PIKFYVE: variants seen among roughly 807,000 people sequenced by gnomAD.
PIKFYVE encodes 1-phosphatidylinositol 3-phosphate 5-kinase.
Under a neutral mutation model 257.9 loss-of-function variants are expected in PIKFYVE, and 122 were observed. That is an observed-to-expected ratio of 0.47 (90% confidence interval 0.41 to 0.55). PIKFYVE has a LOEUF of 0.55. Ranked by LOEUF, PIKFYVE falls within the 20% of genes least tolerant of loss-of-function variation. The probability of loss-of-function intolerance (pLI) is 0.00; values close to 1 mark genes in which losing one functional copy is unlikely to be tolerated. For synonymous variants in PIKFYVE, 892 were observed against 868.9 expected (o/e 1.03, Z -0.47); for missense variants, 2,160 against 2,536.6 (o/e 0.85, Z 3.19).
In PIKFYVE at chr2:208,276,616, C is replaced by G. The variant is rs1438910975; in HGVS notation, c.323-96C>G. The G allele has an allele frequency of 4.5e-6, 4 of 882,354 alleles. No individual in the cohort carries two copies. The African/African-American group carries it at 4.9e-5, about 11-fold the overall frequency. 54.7% of individuals were successfully genotyped at this position (882,354 alleles called of 1,614,324 possible). ...CCGGGTGGGAGAACATAATTATATGCCAACAATAAGAGGCAGTTTCCATCA... is the reference window on the plus strand; with the variant it reads ...CCGGGTGGGAGAACATAATTATATGGCAACAATAAGAGGCAGTTTCCATCA... On this transcript the variant is annotated intron_variant, in intron 3 of 41. Coordinates refer to ENST00000264380, the MANE Select transcript of PIKFYVE (RefSeq NM_015040.4).
rs537916901 is a variant in PIKFYVE, at chr2:208,315,139, A to C, written c.1827-54A>C. 4.4e-5 allele frequency: 64 copies of C among 1,463,090 alleles called. No homozygotes were observed. The African/African-American group carries it at 8.5e-4, about 19-fold the overall frequency. The allele number at this position is 1,463,090 out of a possible 1,614,324, so 90.6% of individuals were successfully genotyped here. A position where few individuals can be genotyped will look rare whatever the true frequency, so the allele number is the denominator to read the frequency against. Reference sequence around the variant, plus strand: ...GGCTGTTTGTTTTATCATCAGAATTATTGTCTCTGGCAGTATTAACTATGC... The same window carrying C: ...GGCTGTTTGTTTTATCATCAGAATTCTTGTCTCTGGCAGTATTAACTATGC... On this transcript the variant is annotated intron_variant, in intron 14 of 41. Coordinates refer to ENST00000264380, the MANE Select transcript of PIKFYVE (RefSeq NM_015040.4).
chr2:208,349,627 G>A (rs1338941136), intron 35 of PIKFYVE, among the ~76,000 whole-genome samples: 1 of 151,104 alleles, frequency 6.6e-6, no homozygotes, highest in East Asian at 1.9e-4. Flanking sequence ...ATTTTATATA[G>A]CTTAGTACAT....
chr2:208,272,205 A>C (rs1392737384), intron 2 of PIKFYVE, among the ~76,000 whole-genome samples: 1 of 152,006 alleles, frequency 6.6e-6, no homozygotes, highest in African/African-American at 2.4e-5. Context: ...ACTGTACTCC[A>C]GCCTGGGTGA....
chr2:208,329,631 A>G (rs1219976308), intron 21 of PIKFYVE, among the ~76,000 whole-genome samples: 1 of 152,226 alleles, frequency 6.6e-6, no homozygotes, highest in Non-Finnish European at 1.5e-5. Flanking sequence ...TTCATAAGAC[A>G]CTAGTGGATT....
At chr2:208,316,996 A>G (rs1380332346) in intron 15 of PIKFYVE, among the ~76,000 whole-genome samples, 1 of 152,030 alleles carries the variant, frequency 6.6e-6, no homozygotes, top group African/African-American at 2.4e-5. Flanking sequence ...GATGGATTAA[A>G]GACTTAAACG....
intron 31 of PIKFYVE, among the ~76,000 whole-genome samples, chr2:208,340,460 ATG>A (rs1351543691): frequency 5.3e-5 from 8 of 152,168 alleles, no homozygotes; most frequent in African/African-American, 1.9e-4. Flanking sequence ...CTGGTTATAT[ATG>A]AGGTTGGTAG....
chr2:208,269,600 G>A (rs569250665), intron 1 of PIKFYVE: 29 of 278,786 alleles, frequency 1.0e-4, no homozygotes, highest in Non-Finnish European at 1.9e-4. Flanking sequence ...TCCACATGCC[G>A]GGACTTCAGG....
chr2:208,312,524 A>G (rs1695044386), intron 13 of PIKFYVE, among the ~76,000 whole-genome samples: 1 of 152,234 alleles, frequency 6.6e-6, no homozygotes, highest in African/African-American at 2.4e-5. Context: ...GTGAAAAGTA[A>G]TTGTTTAAAA....
chr2:208,302,149 C>A (rs1489591914), intron 9 of PIKFYVE, 93 bp from the exon 10 acceptor site: 1 of 1,109,030 alleles, frequency 9.0e-7, no homozygotes. Flanking sequence ...CTGATTAGAA[C>A]TGAAAAAAAA....
intron 23 of PIKFYVE, among the ~76,000 whole-genome samples, chr2:208,332,747 ATATATG>A (rs1212752677): frequency 6.6e-6 from 1 of 152,108 alleles, no homozygotes; most frequent in African/African-American, 2.4e-5. Flanking sequence ...GTATGTATGT[ATATATG>A]TATATGTGTG....
At chr2:208,329,768 A>G in intron 21 of PIKFYVE, 74 bp from the exon 22 acceptor site, 1 of 1,580,276 alleles carries the variant, frequency 6.3e-7, no homozygotes, top group Non-Finnish European at 8.6e-7. Flanking sequence ...ATAGGTAATC[A>G]TAATTTGTGG....
intron 32 of PIKFYVE, 124 bp downstream of exon 32, chr2:208,342,773 C>T (rs1323978163): frequency 1.3e-4 from 75 of 574,180 alleles, no homozygotes; most frequent in South Asian, 3.7e-4. Context: ...AATATATGTT[C>T]TTTAGTCGTG....
Position 208,350,098 on chromosome 2 carries a change from T to C in PIKFYVE, c.5434+15T>C. ...TGTGGAACTTCGTAAGTATGAGATA[T>C]TATATCATTGGTTTGGGGAGAGGGA... On this transcript the variant is annotated intron_variant, in intron 36 of 41. Coordinates refer to ENST00000264380, the MANE Select transcript of PIKFYVE (RefSeq NM_015040.4). 6.2e-7 allele frequency: 1 copy of C among 1,612,192 alleles called. No individual in the cohort carries two copies.
At chr2:208,343,296 G>A (rs1016081950) in intron 32 of PIKFYVE, among the ~76,000 whole-genome samples, 2 of 152,076 alleles carry the variant, frequency 1.3e-5, no homozygotes, top group Non-Finnish European at 1.5e-5. Context: ...GGAGCATCCT[G>A]CCTTGTACAA....
chr2:208,275,729 G>C (rs1304835037), intron 3 of PIKFYVE, among the ~76,000 whole-genome samples: 1 of 152,038 alleles, frequency 6.6e-6, no homozygotes, highest in Non-Finnish European at 1.5e-5. Context: ...CACCTATCTA[G>C]CAAATGGTGA....
chr2:208,318,351 C>T (rs1435601872), intron 16 of PIKFYVE, among the ~76,000 whole-genome samples: 1 of 152,260 alleles, frequency 6.6e-6, no homozygotes, highest in East Asian at 1.9e-4. Flanking sequence ...CTTCTGTTAT[C>T]CTTCTCACCT....
chr2:208,335,546 C>G (rs1445521343), intron 25 of PIKFYVE, 127 bp downstream of exon 25: 4 of 868,378 alleles, frequency 4.6e-6, no homozygotes, highest in Non-Finnish European at 7.2e-6. Context: ...GCTTGGTGTA[C>G]AAAAAGAAAA....
rs1431742240 is a variant in PIKFYVE at position 208,328,253 on chromosome 2, A to G, written c.3692A>G (p.Asn1231Ser). ...LFSSSSAQSS[N>S]APSACVSPWI... ...AGCAGCTCTTCTGCCCAGTCCAGCA[A>G]TGCTCCTAGTGCCTGTGTCAGTCCT... Residue 1231 changes from asparagine to serine, a missense_variant, in exon 21 of 42, where the codon AAT (asparagine) becomes AGT (serine). Around this residue, in one of 12 missense-constraint regions of PIKFYVE, gnomAD observed 522 missense variants for 514.6 expected, o/e 1.01. Transcript: ENST00000264380. The G allele has an allele frequency of 1.2e-6, 2 of 1,613,916 alleles. No homozygotes were observed. The highest frequency in any genetic ancestry group is 1.3e-5 in the African/African-American group (1 of 75,010).
At chr2:208,277,827 A>G in intron 5 of PIKFYVE, 119 bp downstream of exon 5, 1 of 1,055,776 alleles carries the variant, frequency 9.5e-7, no homozygotes, top group Non-Finnish European at 1.4e-6. Flanking sequence ...ACATGGGGAC[A>G]CAAAGGTGAG....
Sources: gnomAD v4.1 joint callset for allele counts (sites outside exome capture counted in the v4.1 genomes callset) on GRCh38, gnomAD v4.1.1 for gene constraint, gnomAD v4.1.1 regional missense constraint, MANE v1.5 for transcripts, NCBI Gene and HGNC (gene_info 2026-07-23, HGNC 2026-07-21) for gene names.